The following CPPED1 variants were observed in gnomAD, a reference collection of about 807,000 sequenced individuals.
CPPED1 encodes serine/threonine-protein phosphatase CPPED1.
Under a neutral mutation model 28.0 loss-of-function variants are expected in CPPED1, and 28 were observed. That is an observed-to-expected ratio of 1.00 (90% CI 0.74 to 1.37). CPPED1 has a LOEUF of 1.37. Among genes scored for constraint, CPPED1 ranks in the 40% most tolerant of loss-of-function variants. The pLI is 0.00. For synonymous variants in CPPED1, 198 were observed against 180.2 expected (o/e 1.10, Z -0.79); for missense variants, 504 against 416.5 (o/e 1.21, Z -1.83).
At chr16:12,712,464 C>T (rs1462077085) in intron 2 of CPPED1, among the ~76,000 whole-genome samples, 2 of 152,204 alleles carry the variant, frequency 1.3e-5, no homozygotes, top group African/African-American at 4.8e-5. Flanking sequence ...CTTTATCCTA[C>T]AGACACATAC....
At chr16:12,667,230 A>AT (rs2079830536) in intron 3 of CPPED1, among the ~76,000 whole-genome samples, 1 of 152,230 alleles carries the variant, frequency 6.6e-6, no homozygotes, top group African/African-American at 2.4e-5. Context: ...AAACCCTTCA[A>AT]TTGGGAACAC....
intron 2 of CPPED1, among the ~76,000 whole-genome samples, chr16:12,728,757 A>G (rs1411487548): frequency 6.6e-6 from 1 of 152,202 alleles, no homozygotes; most frequent in South Asian, 2.1e-4. Context: ...AGTGAGCTAT[A>G]ACCAGGGAGG....
chr16:12,668,552 A>G (rs2079837901), intron 3 of CPPED1, among the ~76,000 whole-genome samples: 1 of 152,228 alleles, frequency 6.6e-6, no homozygotes, highest in African/African-American at 2.4e-5. Context: ...GTGAAAAGAC[A>G]ACCCATGGAA....
chr16:12,677,999 A>G (rs1480158390), intron 3 of CPPED1, among the ~76,000 whole-genome samples: 1 of 152,196 alleles, frequency 6.6e-6, no homozygotes, highest in African/African-American at 2.4e-5. Context: ...ATCCAATAAA[A>G]CTTTATTTAC....
At chr16:12,754,671 T>C (rs1302912811) in intron 2 of CPPED1, among the ~76,000 whole-genome samples, 1 of 137,546 alleles carries the variant, frequency 7.3e-6, no homozygotes, top group Non-Finnish European at 1.6e-5. Context: ...AGCTTTTCTT[T>C]GGCCCCACAA....
intron 2 of CPPED1, among the ~76,000 whole-genome samples, chr16:12,741,733 T>C (rs2080256766): frequency 6.6e-6 from 1 of 152,146 alleles, no homozygotes; most frequent in Non-Finnish European, 1.5e-5. Context: ...GCCTCTCTCC[T>C]CTCAAAGACA....
intron 2 of CPPED1, among the ~76,000 whole-genome samples, chr16:12,734,139 G>A (rs1042697452): frequency 4.5e-5 from 6 of 133,030 alleles, no homozygotes; most frequent in African/African-American, 1.4e-4. Context: ...GCACGATCTC[G>A]GGTCACTGCA....
intron 2 of CPPED1, among the ~76,000 whole-genome samples, chr16:12,780,660 C>A (rs1268974046): frequency 1.3e-5 from 2 of 151,694 alleles, no homozygotes; most frequent in Non-Finnish European, 2.9e-5. Context: ...CAAGCTGACC[C>A]CCTAGATCCA....
intron 1 of CPPED1, among the ~76,000 whole-genome samples, chr16:12,782,240 G>A (rs1472599309): frequency 6.6e-6 from 1 of 152,210 alleles, no homozygotes; most frequent in Non-Finnish European, 1.5e-5. Context: ...GCACAGAAGT[G>A]CTGTGGGTTT....
intron 1 of CPPED1, 72 bp downstream of exon 1, chr16:12,803,635 G>C (rs2080674397): frequency 7.6e-7 from 1 of 1,316,282 alleles, no homozygotes; most frequent in Non-Finnish European, 1.0e-6. Context: ...GCGCACACCT[G>C]AACAAAAGGT....
chr16:12,737,114 C>T (rs959232616), intron 2 of CPPED1, among the ~76,000 whole-genome samples: 12 of 151,994 alleles, frequency 7.9e-5, no homozygotes, highest in East Asian at 1.9e-4. Flanking sequence ...CTCTTGAACC[C>T]GGGAGGTGGA....
intron 3 of CPPED1, among the ~76,000 whole-genome samples, chr16:12,677,391 C>T (rs963833764): frequency 6.6e-6 from 1 of 152,240 alleles, no homozygotes; most frequent in African/African-American, 2.4e-5. Context: ...GTAATCCCAG[C>T]ACTTTGGGAG....
chr16:12,795,530 G>C (rs2080622348), intron 1 of CPPED1, among the ~76,000 whole-genome samples: 1 of 152,156 alleles, frequency 6.6e-6, no homozygotes, highest in Non-Finnish European at 1.5e-5. Flanking sequence ...AGTACAGATG[G>C]GGTTTCACCA....
intron 2 of CPPED1, among the ~76,000 whole-genome samples, chr16:12,767,830 A>T (rs2080447995): frequency 6.6e-6 from 1 of 152,082 alleles, no homozygotes; most frequent in African/African-American, 2.4e-5. Context: ...GGGGGTGGGC[A>T]CCTGTAGTCC....
chr16:12,775,483 CACTATGG>C (rs1002505501), intron 2 of CPPED1, among the ~76,000 whole-genome samples: 24 of 152,030 alleles, frequency 1.6e-4, no homozygotes, highest in African/African-American at 5.8e-4. Flanking sequence ...TAGAGTTTTC[CACTATGG>C]TGTCATGTCA....
intron 2 of CPPED1, among the ~76,000 whole-genome samples, chr16:12,741,023 T>C (rs11075151): frequency 0.18 from 27,732 of 152,124 alleles, 2,613 homozygotes; most frequent in Middle Eastern, 0.22. Context: ...TTAATCCACA[T>C]CTCTAAGGAG....
intron 2 of CPPED1, among the ~76,000 whole-genome samples, chr16:12,780,599 C>G (rs1057244975): frequency 7.9e-5 from 12 of 152,074 alleles, no homozygotes; most frequent in African/African-American, 2.9e-4. Context: ...TAAATGAGGT[C>G]AACCCAGAGA....
At chr16:12,718,975 CG>C (rs917974322) in intron 2 of CPPED1, among the ~76,000 whole-genome samples, 1 of 151,814 alleles carries the variant, frequency 6.6e-6, no homozygotes, top group African/African-American at 2.4e-5. Context: ...AAAAGTTTCA[CG>C]GGCTAATAGT....
chr16:12,698,683 G>A (rs917308930), intron 3 of CPPED1, among the ~76,000 whole-genome samples: 2 of 152,172 alleles, frequency 1.3e-5, no homozygotes, highest in Non-Finnish European at 2.9e-5. Flanking sequence ...CACCCACCTC[G>A]GCCTCCCAAA....
Sources: gnomAD v4.1 joint callset for allele counts (sites outside exome capture counted in the v4.1 genomes callset) on GRCh38, gnomAD v4.1.1 for gene constraint, MANE v1.5 for transcripts, NCBI Gene and HGNC (gene_info 2026-07-23, HGNC 2026-07-21) for gene names.